PCCA: variants seen among roughly 807,000 people sequenced by gnomAD.
The protein encoded by PCCA is propionyl-CoA carboxylase subunit alpha, also known as propionyl-CoA carboxylase alpha chain, mitochondrial.
PCCA carries 74 observed loss-of-function variants against 101.3 expected under a neutral mutation model. That is an observed-to-expected ratio of 0.73 (90% confidence interval 0.61 to 0.89). PCCA has a LOEUF of 0.89. PCCA is among the 40% of genes least tolerant of loss of function. The pLI is 0.00. For synonymous variants in PCCA, 294 were observed against 313.6 expected (o/e 0.94, Z 0.66); for missense variants, 891 against 907.0 (o/e 0.98, Z 0.23).
intron 8 of PCCA, among the ~76,000 whole-genome samples, chr13:100,254,367 A>G (rs117997874): frequency 2.0e-5 from 3 of 152,360 alleles, no homozygotes; most frequent in East Asian, 1.9e-4. Context: ...CAAATACAGT[A>G]TAGACAAGAG....
intron 4 of PCCA, among the ~76,000 whole-genome samples, chr13:100,141,165 C>G (rs1365025418): frequency 6.6e-6 from 1 of 152,156 alleles, no homozygotes; most frequent in Non-Finnish European, 1.5e-5. Flanking sequence ...AAGATCCATT[C>G]AAGTTCCTAC....
intron 4 of PCCA, among the ~76,000 whole-genome samples, chr13:100,127,871 G>A (rs969012453): frequency 6.6e-6 from 1 of 152,086 alleles, no homozygotes; most frequent in Admixed American, 6.5e-5. Flanking sequence ...CAGCCTGGGC[G>A]ACAGAGCTAG....
intron 18 of PCCA, among the ~76,000 whole-genome samples, chr13:100,341,467 A>G (rs999502409): frequency 1.3e-5 from 2 of 152,112 alleles, no homozygotes; most frequent in African/African-American, 2.4e-5. Flanking sequence ...GGCAATTAAG[A>G]TTAAAGTGAA....
At chr13:100,216,172 C>T (rs1486408338) in intron 7 of PCCA, among the ~76,000 whole-genome samples, 1 of 150,468 alleles carries the variant, frequency 6.6e-6, no homozygotes, top group East Asian at 2.0e-4. Flanking sequence ...GGGCCAAGTG[C>T]ATGTTTAGCA....
intron 12 of PCCA, among the ~76,000 whole-genome samples, chr13:100,295,593 G>T (rs1164253233): frequency 1.3e-5 from 2 of 152,138 alleles, no homozygotes; most frequent in African/African-American, 4.8e-5. Context: ...TCTATTAAAT[G>T]ACAGTGATGT....
intron 20 of PCCA, among the ~76,000 whole-genome samples, chr13:100,439,648 T>G (rs1277523127): frequency 6.6e-6 from 1 of 152,114 alleles, no homozygotes; most frequent in African/African-American, 2.4e-5. Flanking sequence ...ATGTATTGTT[T>G]GTCGTTAGCG....
At chr13:100,438,264 C>A (rs533375292) in intron 20 of PCCA, among the ~76,000 whole-genome samples, 1 of 152,130 alleles carries the variant, frequency 6.6e-6, no homozygotes, top group Non-Finnish European at 1.5e-5. Flanking sequence ...AACTGATCCT[C>A]CTGCCTCTGC....
chr13:100,433,655 A>C (rs548554539), intron 20 of PCCA, among the ~76,000 whole-genome samples: 40 of 152,290 alleles, frequency 2.6e-4, no homozygotes, highest in African/African-American at 9.6e-4. Flanking sequence ...AGTTCATTGT[A>C]ATATCAAAAC....
At chr13:100,506,228 G>A (rs547087940) in intron 21 of PCCA, among the ~76,000 whole-genome samples, 7 of 151,996 alleles carry the variant, frequency 4.6e-5, no homozygotes, top group East Asian at 1.9e-4. Flanking sequence ...CTTCAGCATC[G>A]TGTGTTCTGT....
chr13:100,453,293 G>A (rs2152931075), intron 21 of PCCA, among the ~76,000 whole-genome samples: 1 of 152,220 alleles, frequency 6.6e-6, no homozygotes, highest in African/African-American at 2.4e-5. Context: ...CCTGGGTCAG[G>A]AGTTCAAGAC....
At chr13:100,404,176 T>G (rs1043656794) in intron 19 of PCCA, among the ~76,000 whole-genome samples, 4 of 152,120 alleles carry the variant, frequency 2.6e-5, no homozygotes, top group Non-Finnish European at 2.9e-5. Flanking sequence ...AGAAAACATG[T>G]ATCAAAAGGA....
chr13:100,487,709 G>C (rs1340816368), intron 21 of PCCA, among the ~76,000 whole-genome samples: 1 of 152,050 alleles, frequency 6.6e-6, no homozygotes, highest in Middle Eastern at 3.2e-3. Context: ...CATAGGAAAT[G>C]CTGCGATGGG....
At position 100,316,117 on chromosome 13, in the gene PCCA, C is replaced by T. The variant is rs771894108; in HGVS notation, c.1429+6209C>T. Among the ~76,000 whole-genome samples the T allele has an allele frequency of 4.1e-4, 63 of 152,144 alleles. 1 individual carries two copies. Among genetic ancestry groups the T allele is most frequent in the Non-Finnish European group, 7.9e-4 (54 of 67,992 alleles). On this transcript the variant is annotated intron_variant, in intron 16 of 23. Coordinates refer to ENST00000376285, the MANE Select transcript of PCCA (RefSeq NM_000282.4). The stretch of plus-strand genomic sequence containing the variant: ...AGGATTAATTAATGGACAGTAGTTT[C>T]GGGAACAGTTAGTCGAGGCATAGAT...
At chr13:100,440,419 A>G (rs959718700) in intron 20 of PCCA, among the ~76,000 whole-genome samples, 3 of 151,500 alleles carry the variant, frequency 2.0e-5, no homozygotes, top group South Asian at 4.1e-4. Flanking sequence ...GTTGATTTTC[A>G]TATCTACTTG....
rs1275791340 is a variant in PCCA at position 100,397,302 on chromosome 13, A to G, written c.1747-28331A>G. ...CTGTAGACCCTTGAGCAATTATGTAACTTCTCTGAGTGTCAGATTTGTCAT... is the reference window on the plus strand; with the variant it reads ...CTGTAGACCCTTGAGCAATTATGTAGCTTCTCTGAGTGTCAGATTTGTCAT... On this transcript the variant is annotated intron_variant, in intron 19 of 23. Transcript: ENST00000376285. Among the ~76,000 whole-genome samples, 3 of 152,226 alleles carry G rather than the reference A, an allele frequency of 2.0e-5. No individual in the cohort carries two copies. In the East Asian group the frequency reaches 5.8e-4, roughly 29 times the overall value.
At chr13:100,373,096 T>C (rs1465530413) in intron 19 of PCCA, among the ~76,000 whole-genome samples, 2 of 151,972 alleles carry the variant, frequency 1.3e-5, no homozygotes, top group African/African-American at 4.8e-5. Flanking sequence ...TTCAACTCAA[T>C]AACAAAAAAC....
intron 22 of PCCA, among the ~76,000 whole-genome samples, chr13:100,524,231 G>A (rs1483879807): frequency 1.3e-5 from 2 of 152,358 alleles, no homozygotes; most frequent in South Asian, 2.1e-4. Flanking sequence ...CCTGGAGCAC[G>A]CCCTCGAGTG....
chr13:100,287,084 A>G (rs996130414), intron 12 of PCCA, among the ~76,000 whole-genome samples: 3 of 152,138 alleles, frequency 2.0e-5, no homozygotes, highest in South Asian at 2.1e-4. Context: ...TGTTCCAACA[A>G]TTATTGAATA....
intron 4 of PCCA, among the ~76,000 whole-genome samples, chr13:100,116,199 G>C (rs2048780925): frequency 6.6e-6 from 1 of 152,158 alleles, no homozygotes; most frequent in Non-Finnish European, 1.5e-5. Context: ...ATTTTTGCAT[G>C]TTTGTTTTCA....
Sources: allele counts gnomAD v4.1 joint callset (sites outside exome capture counted in the v4.1 genomes callset), GRCh38; gene constraint gnomAD v4.1.1; transcripts MANE v1.5; gene names NCBI Gene and HGNC (gene_info 2026-07-23, HGNC 2026-07-21).